The following CDH12 variants were observed in gnomAD, a reference collection of about 807,000 sequenced individuals.
CDH12 encodes the protein cadherin 12.
Under a neutral mutation model 74.1 loss-of-function variants are expected in CDH12, and 41 were observed. That is an observed-to-expected ratio of 0.55 (90% CI 0.43 to 0.72). The LOEUF (loss-of-function observed/expected upper bound fraction) is 0.72, where lower values mean the gene tolerates loss of function less well. Among genes scored for constraint, CDH12 ranks in the 30% least tolerant of loss-of-function variants. CDH12 has a pLI of 0.00. For synonymous variants in CDH12, 399 were observed against 355.0 expected (o/e 1.12, Z -1.39); for missense variants, 945 against 977.2 (o/e 0.97, Z 0.44).
At chr5:21,941,737 A>T (rs1437794338) in intron 6 of CDH12, among the ~76,000 whole-genome samples, 1 of 151,940 alleles carries the variant, frequency 6.6e-6, no homozygotes, top group Non-Finnish European at 1.5e-5. Flanking sequence ...ATATAGGAAG[A>T]CTCTCCATTT....
At chr5:21,870,069 G>A (rs1180487757) in intron 6 of CDH12, among the ~76,000 whole-genome samples, 4 of 152,052 alleles carry the variant, frequency 2.6e-5, no homozygotes, top group Non-Finnish European at 4.4e-5. Context: ...CTGCTTTTGC[G>A]TCTTCCTCAT....
chr5:21,860,630 T>A (rs545553614), intron 6 of CDH12, among the ~76,000 whole-genome samples: 3 of 152,158 alleles, frequency 2.0e-5, no homozygotes, highest in African/African-American at 7.2e-5. Context: ...AATAAAGCAG[T>A]CAGAATAAGG....
At chr5:21,940,952 A>G (rs1331895776) in intron 6 of CDH12, among the ~76,000 whole-genome samples, 2 of 152,130 alleles carry the variant, frequency 1.3e-5, no homozygotes, top group Admixed American at 6.6e-5. Flanking sequence ...AAAACCCACA[A>G]TTTGTCGGTA....
Position 22,170,573 on chromosome 5 carries a change from T to TA in CDH12, c.-187+41924dup, listed in dbSNP as rs1277107479. Among the ~76,000 whole-genome samples the TA allele has an allele frequency of 9.9e-4, 149 of 150,620 alleles. 1 individual carries two copies. Among genetic ancestry groups the TA allele is most frequent in the African/African-American group, 3.5e-3 (146 of 41,238 alleles). ...ATAAGCTTCTTATATATAACTTATA[T>TA]ATAAGCTTCTTATATATAAGTTATA... is the stretch of plus-strand genomic sequence containing the variant. On this transcript the variant is annotated intron_variant, in intron 4 of 14. Coordinates refer to ENST00000382254, the MANE Select transcript of CDH12 (RefSeq NM_004061.5).
intron 3 of CDH12, among the ~76,000 whole-genome samples, chr5:22,375,159 C>T (rs1329619131): frequency 6.6e-6 from 1 of 151,898 alleles, no homozygotes; most frequent in East Asian, 1.9e-4. Flanking sequence ...TATTTACGTC[C>T]AACTGATTTT....
At chr5:21,807,117 C>A (rs1042049934) in intron 9 of CDH12, among the ~76,000 whole-genome samples, 1 of 152,138 alleles carries the variant, frequency 6.6e-6, no homozygotes, top group African/African-American at 2.4e-5. Flanking sequence ...TAAGATTGGT[C>A]TTTTGAGATG....
Position 22,046,715 on chromosome 5 carries a change from C to G in CDH12, c.231+31731G>C, listed in dbSNP as rs114068272. ...TGCCATAAAGTGGGACATTTTTACA[C>G]TACATCTGTGATGCACAGAATTGTC... On this transcript the variant is annotated intron_variant, in intron 5 of 14. Transcript: ENST00000382254. 3.9e-3 allele frequency among the ~76,000 whole-genome samples: 601 copies of G among 152,208 alleles called. 9 individuals are homozygous for G. The highest frequency in any genetic ancestry group is 0.014 in the African/African-American group (566 of 41,528).
At chr5:21,842,101 TG>T in intron 8 of CDH12, 59 bp downstream of exon 8, 1 of 1,309,000 alleles carries the variant, frequency 7.6e-7, no homozygotes, top group Non-Finnish European at 1.1e-6. Context: ...TAGCATTCAA[TG>T]ACACCATTAA....
intron 5 of CDH12, among the ~76,000 whole-genome samples, chr5:21,980,167 T>C (rs1356946745): frequency 2.7e-5 from 4 of 150,658 alleles, no homozygotes; most frequent in South Asian, 2.1e-4. Flanking sequence ...AAAACATACA[T>C]ACATATATGT....
At chr5:22,312,091 C>T (rs747667604) in intron 3 of CDH12, among the ~76,000 whole-genome samples, 7 of 151,916 alleles carry the variant, frequency 4.6e-5, no homozygotes, top group South Asian at 2.1e-4. Context: ...ACACTACGCT[C>T]GATTTAGAAG....
intron 6 of CDH12, chr5:21,884,255 C>T: frequency 6.7e-7 from 1 of 1,498,904 alleles, no homozygotes; most frequent in Non-Finnish European, 9.3e-7. Flanking sequence ...AAGAGAAGGA[C>T]CCTGGAATGG....
chr5:22,776,901 A>G (rs752600358), intron 1 of CDH12, among the ~76,000 whole-genome samples: 3 of 152,180 alleles, frequency 2.0e-5, no homozygotes, highest in Non-Finnish European at 4.4e-5. Context: ...CTAATTAGAA[A>G]TATCATATAG....
intron 2 of CDH12, among the ~76,000 whole-genome samples, chr5:22,475,194 C>A (rs1212250557): frequency 6.6e-6 from 1 of 151,312 alleles, no homozygotes; most frequent in African/African-American, 2.4e-5. Context: ...ATGGATGGCC[C>A]CAAAATGCTT....
rs1178949862 is a variant in CDH12, at chr5:22,041,054, TA to T, written c.231+37391del. The stretch of plus-strand genomic sequence containing the variant: ...ATCGTGACATCAAAAATATAAAATA[TA>T]GGGGGAAAGGTAAAAGTCTAGAGTT... On this transcript the variant is annotated intron_variant, in intron 5 of 14. Coordinates refer to ENST00000382254, the MANE Select transcript of CDH12 (RefSeq NM_004061.5). Among the ~76,000 whole-genome samples, 5 of 151,960 alleles carry T rather than the reference TA, an allele frequency of 3.3e-5. No homozygotes were observed. The East Asian group carries it at 9.7e-4, about 29-fold the overall frequency.
At chr5:22,660,800 T>A (rs1740308162) in intron 1 of CDH12, among the ~76,000 whole-genome samples, 1 of 152,348 alleles carries the variant, frequency 6.6e-6, no homozygotes, top group East Asian at 1.9e-4. Context: ...TCCATCTAGA[T>A]ATTTTTTAAT....
At chr5:22,645,280 G>A (rs1361794931) in intron 1 of CDH12, among the ~76,000 whole-genome samples, 2 of 152,034 alleles carry the variant, frequency 1.3e-5, no homozygotes, top group Non-Finnish European at 2.9e-5. Context: ...AACATCAACA[G>A]GAGTTTAGAA....
intron 3 of CDH12, among the ~76,000 whole-genome samples, chr5:22,349,100 C>T (rs1740247218): frequency 6.6e-6 from 1 of 152,138 alleles, no homozygotes; most frequent in African/African-American, 2.4e-5. Context: ...CATATGAGGT[C>T]ACCATGTGCA....
At chr5:22,751,238 C>T (rs1223232280) in intron 1 of CDH12, among the ~76,000 whole-genome samples, 2 of 150,400 alleles carry the variant, frequency 1.3e-5, no homozygotes, top group African/African-American at 4.9e-5. Context: ...GGACTTATCG[C>T]ATATCTGAAA....
At chr5:22,019,171 G>T (rs2150159375) in intron 5 of CDH12, among the ~76,000 whole-genome samples, 1 of 152,090 alleles carries the variant, frequency 6.6e-6, no homozygotes, top group South Asian at 2.1e-4. Context: ...ATCTATCTAT[G>T]GCCTGGCCTG....
Sources: gnomAD v4.1 joint callset for allele counts (sites outside exome capture counted in the v4.1 genomes callset) on GRCh38, gnomAD v4.1.1 for gene constraint, MANE v1.5 for transcripts, NCBI Gene and HGNC (gene_info 2026-07-23, HGNC 2026-07-21) for gene names.